Variants in CFAP58 observed in about 807,000 individuals in gnomAD.
The protein encoded by CFAP58 is cilia- and flagella-associated protein 58.
In CFAP58, 88 loss-of-function variants were observed where a neutral mutation model predicts 119.5. The observed-to-expected ratio is 0.74, with a 90% CI of 0.62 to 0.88. The LOEUF (loss-of-function observed/expected upper bound fraction) is 0.88. Ranked by LOEUF, CFAP58 falls within the 40% of genes least tolerant of loss-of-function variation. The pLI, the probability that CFAP58 is intolerant of heterozygous loss-of-function variation, is 0.00. For missense variants in CFAP58, 990 were observed against 1,021.2 expected (o/e 0.97, Z 0.42); for synonymous variants, 365 against 366.3 (o/e 1.00, Z 0.04).
intron 11 of CFAP58, among the ~76,000 whole-genome samples, chr10:104,398,545 T>A (rs2012204165): frequency 6.6e-6 from 1 of 152,328 alleles, no homozygotes; most frequent in Non-Finnish European, 1.5e-5. Context: ...CTGCTGAAAC[T>A]TAACAGTCCA....
At chr10:104,389,108 T>C (rs2011983388) in intron 9 of CFAP58, among the ~76,000 whole-genome samples, 1 of 152,232 alleles carries the variant, frequency 6.6e-6, no homozygotes, top group Non-Finnish European at 1.5e-5. Flanking sequence ...TTAACACCCA[T>C]ATACTTTATG....
chr10:104,340,388 A>C, the CFAP58 span, among the ~76,000 whole-genome samples: 1 of 151,980 alleles, frequency 6.6e-6, no homozygotes, highest in Non-Finnish European at 1.5e-5. Context: ...TCCTCCTCCA[A>C]ACTGTCACCC....
intron 2 of CFAP58, among the ~76,000 whole-genome samples, chr10:104,361,731 G>A (rs1383223003): frequency 6.6e-6 from 1 of 152,070 alleles, no homozygotes; most frequent in Non-Finnish European, 1.5e-5. Context: ...TGTCATCCAG[G>A]CTAGAGTGCA....
intron 15 of CFAP58, among the ~76,000 whole-genome samples, chr10:104,437,127 C>A (rs2012947864): frequency 6.6e-6 from 1 of 152,178 alleles, no homozygotes; most frequent in Non-Finnish European, 1.5e-5. Flanking sequence ...ACTTCTGAAC[C>A]TCAACTTCCT....
At chr10:104,417,307 C>A (rs2012570117) in intron 15 of CFAP58, among the ~76,000 whole-genome samples, 1 of 152,206 alleles carries the variant, frequency 6.6e-6, no homozygotes, top group African/African-American at 2.4e-5. Context: ...TTATTAGCAT[C>A]CTTTGGTTAC....
At chr10:104,395,388 T>A (rs2012129595) in intron 11 of CFAP58, among the ~76,000 whole-genome samples, 1 of 152,214 alleles carries the variant, frequency 6.6e-6, no homozygotes, top group Non-Finnish European at 1.5e-5. Context: ...TGGATGGCTT[T>A]AGGTCATCGA....
At chr10:104,365,525 G>A (rs925303784) in intron 4 of CFAP58, among the ~76,000 whole-genome samples, 3 of 151,990 alleles carry the variant, frequency 2.0e-5, no homozygotes, top group African/African-American at 7.2e-5. Context: ...CATGTTTAAC[G>A]CCCCTAGAAC....
intron 15 of CFAP58, among the ~76,000 whole-genome samples, chr10:104,419,056 G>A (rs1044328287): frequency 6.6e-6 from 1 of 152,212 alleles, no homozygotes; most frequent in Non-Finnish European, 1.5e-5. Flanking sequence ...TGGTTGAGGA[G>A]GCTGTGTCCC....
At chr10:104,410,339 T>C (rs2133054572) in intron 15 of CFAP58, among the ~76,000 whole-genome samples, 1 of 152,354 alleles carries the variant, frequency 6.6e-6, no homozygotes, top group South Asian at 2.1e-4. Flanking sequence ...TTACCAGTTC[T>C]TTTGTTTTCT....
intron 9 of CFAP58, among the ~76,000 whole-genome samples, chr10:104,390,901 T>C (rs1204301220): frequency 6.6e-6 from 1 of 152,168 alleles, no homozygotes; most frequent in Non-Finnish European, 1.5e-5. Flanking sequence ...GAAAGAATAG[T>C]ACAAAATTAT....
Position 104,371,012 on chromosome 10 carries a change from C to T in CFAP58, c.1048C>T (p.His350Tyr). The change falls in exon 7 of 18, where the codon CAC becomes TAC. Residue 350 changes from histidine to tyrosine, a missense_variant. Transcript: ENST00000369704. The stretch of plus-strand genomic sequence containing the variant: ...AGATCAAAAGGCAGAAGTCGAACAG[C>T]ACAAAGAAACCCTAAAAAATCAGAT... ...TEDQKAEVEQ[H>Y]KETLKNQIVG... 6.2e-7 allele frequency: 1 copy of T among 1,612,170 alleles called. No homozygotes were observed. Among genetic ancestry groups the T allele is most frequent in the Non-Finnish European group, 8.5e-7 (1 of 1,179,464 alleles).
intron 7 of CFAP58, among the ~76,000 whole-genome samples, chr10:104,376,154 AT>A (rs2011657989): frequency 6.6e-6 from 1 of 152,140 alleles, no homozygotes; most frequent in Non-Finnish European, 1.5e-5. Context: ...GGGGTTAAAT[AT>A]TTCGATTTTA....
At chr10:104,382,857 T>C (rs1282909513) in intron 9 of CFAP58, among the ~76,000 whole-genome samples, 1 of 152,214 alleles carries the variant, frequency 6.6e-6, no homozygotes, top group Non-Finnish European at 1.5e-5. Flanking sequence ...CTTTTCTTTA[T>C]GAATTACCCA....
chr10:104,363,472 CAG>C (rs2014699244), intron 3 of CFAP58, among the ~76,000 whole-genome samples: 1 of 152,116 alleles, frequency 6.6e-6, no homozygotes, highest in Non-Finnish European at 1.5e-5. Context: ...GAAATAAAAA[CAG>C]AAAATGTGAT....
chr10:104,453,752 A>G (rs2013230588), intron 17 of CFAP58, among the ~76,000 whole-genome samples: 1 of 112,850 alleles, frequency 8.9e-6, no homozygotes. Context: ...TGCAGGAAAC[A>G]TGAATATGAG....
intron 1 of CFAP58, among the ~76,000 whole-genome samples, chr10:104,357,808 T>TATACAC (rs2014566167): frequency 7.3e-6 from 1 of 137,284 alleles, no homozygotes; most frequent in African/African-American, 3.4e-5. Flanking sequence ...TATACACACA[T>TATACAC]ATATATGTAC....
intron 15 of CFAP58, among the ~76,000 whole-genome samples, chr10:104,427,774 A>G (rs2012773926): frequency 6.6e-6 from 1 of 152,164 alleles, no homozygotes; most frequent in Non-Finnish European, 1.5e-5. Flanking sequence ...AGAAGCACAG[A>G]GGTGGAGTAG....
At chr10:104,362,218 G>A in intron 3 of CFAP58, 47 bp downstream of exon 3, 1 of 1,527,054 alleles carries the variant, frequency 6.5e-7, no homozygotes, top group Non-Finnish European at 8.8e-7. Flanking sequence ...TTTTGCAGAG[G>A]TCTCCTTCAG....
chr10:104,406,822 T>C (rs984584910), intron 15 of CFAP58, 29 bp downstream of exon 15: 3 of 1,536,316 alleles, frequency 2.0e-6, no homozygotes, highest in South Asian at 1.1e-5. Context: ...GTACTCATTG[T>C]ACAAGTCCTT....
Sources: allele counts gnomAD v4.1 joint callset (sites outside exome capture counted in the v4.1 genomes callset), GRCh38; gene constraint gnomAD v4.1.1; transcripts MANE v1.5; gene names NCBI Gene and HGNC (gene_info 2026-07-23, HGNC 2026-07-21).